The following TONSL variants were observed in gnomAD, a reference collection of about 807,000 sequenced individuals.
The protein encoded by TONSL is tonsoku-like protein.
In TONSL, 112 loss-of-function variants were observed where a neutral mutation model predicts 147.1. The observed-to-expected ratio is 0.76, with a 90% CI of 0.65 to 0.89. The LOEUF is 0.89. TONSL is among the 40% of genes least tolerant of loss of function. The pLI is 0.00. For missense variants in TONSL, 1,883 were observed against 1,864.6 expected (o/e 1.01, Z -0.18); for synonymous variants, 868 against 801.5 (o/e 1.08, Z -1.40).
At position 144,435,902 on chromosome 8, in the gene TONSL, C is replaced by A. The variant is rs200092098; in HGVS notation, c.2531G>T (p.Arg844Leu). Residue 844 changes from arginine to leucine, a missense_variant, in exon 17 of 26, where the codon CGC becomes CTC. By Grantham distance (102) the Arg-to-Leu change is moderately radical. Transcript: ENST00000409379. ...GCCCCGGGGGCGGGGCCGGCGGCTG[C>A]GGGTCAGGGGCATGTCCAGCTCCAG... ...DWLELDMPLT[R>L]SRRPRPRGTG... is the part of the protein sequence containing the mutation. The A allele has an allele frequency of 6.3e-7, 1 of 1,593,888 alleles. No individual in the cohort carries two copies. The highest frequency in any genetic ancestry group is 8.6e-7 in the Non-Finnish European group (1 of 1,167,280).
intron 11 of TONSL, among the ~76,000 whole-genome samples, chr8:144,439,617 T>C (rs1823623442): frequency 6.6e-6 from 1 of 152,212 alleles, no homozygotes; most frequent in Admixed American, 6.5e-5. Flanking sequence ...CAGTCCCTCA[T>C]GCCTGCCCTC....
chr8:144,437,123 C>G, intron 13 of TONSL, 24 bp from the exon 14 acceptor site: 3 of 1,608,872 alleles, frequency 1.9e-6, no homozygotes, highest in Non-Finnish European at 2.5e-6. Context: ...CAGGAAGGAG[C>G]CTGGCCCTGT....
At chr8:144,433,226 A>G (rs1426936699) in intron 22 of TONSL, 5 of 189,512 alleles carry the variant, frequency 2.6e-5, no homozygotes, top group Non-Finnish European at 4.5e-5. Flanking sequence ...GACTACAGGC[A>G]CCGGCCACCA....
intron 7 of TONSL, 102 bp from the exon 8 acceptor site, chr8:144,441,213 C>G: frequency 6.8e-7 from 1 of 1,478,398 alleles, no homozygotes; most frequent in East Asian, 2.4e-5. Context: ...CCACTCTCTC[C>G]ACACCTCTGC....
Position 144,436,832 on chromosome 8 carries a change from G to A in TONSL, c.1815C>T (p.Ala605=). ...GCEGITPLHD[A]LNCGHFEVAE... is the part of the protein sequence containing the mutation. ...CCACCTCGAAGTGGCCACAGTTGAG[G>A]GCATCGTGGAGGGGGGTGATGCCTT... The change falls in exon 15 of 26, where the codon GCC becomes GCT. Residue 605 remains alanine, a synonymous_variant. Coordinates refer to ENST00000409379, the MANE Select transcript of TONSL (RefSeq NM_013432.5). 3.1e-6 allele frequency: 5 copies of A among 1,611,124 alleles called. No individual in the cohort carries two copies. In the South Asian group the frequency reaches 5.5e-5, roughly 18 times the overall value.
intron 11 of TONSL, 118 bp from the exon 12 acceptor site, chr8:144,438,853 G>T: frequency 1.9e-6 from 2 of 1,055,330 alleles, no homozygotes; most frequent in South Asian, 1.4e-5. Flanking sequence ...CGGGAGGGCT[G>T]AGCTCTGAGG....
chr8:144,433,812 C>T (rs1315292546), intron 21 of TONSL, 53 bp from the exon 22 acceptor site: 1 of 1,518,794 alleles, frequency 6.6e-7, no homozygotes, highest in Middle Eastern at 2.2e-4. Flanking sequence ...CGGACAGGGT[C>T]CCCCTTGGGG....
intron 21 of TONSL, 32 bp from the exon 22 acceptor site, chr8:144,433,791 C>T: frequency 6.5e-7 from 1 of 1,534,970 alleles, no homozygotes. Context: ...AGTGAGCCCC[C>T]AGCAGTCCCA....
At chr8:144,441,159 C>A in intron 7 of TONSL, 48 bp from the exon 8 acceptor site, 1 of 1,598,520 alleles carries the variant, frequency 6.3e-7, no homozygotes, top group Non-Finnish European at 8.5e-7. Context: ...GGGCCCTGAC[C>A]CCAGCTCTAC....
At chr8:144,434,306 G>A (rs1823344892) in intron 20 of TONSL, 27 bp from the exon 21 acceptor site, 8 of 1,484,618 alleles carry the variant, frequency 5.4e-6, no homozygotes, top group Non-Finnish European at 4.5e-6. Context: ...ATGTCACCAG[G>A]GTAAGGCCGG....
intron 8 of TONSL, 28 bp from the exon 9 acceptor site, chr8:144,440,898 GC>G: frequency 6.2e-7 from 1 of 1,612,510 alleles, no homozygotes; most frequent in Non-Finnish European, 8.5e-7. Context: ...GAGGCCAGGG[GC>G]TGCCACCCTG....
intron 23 of TONSL, among the ~76,000 whole-genome samples, chr8:144,431,650 C>T (rs1372574575): frequency 6.6e-6 from 1 of 151,474 alleles, no homozygotes; most frequent in Non-Finnish European, 1.5e-5. Context: ...GTAGCTGGGA[C>T]TCCAGGAGCC....
At chr8:144,430,569 G>A (rs782309295) in intron 24 of TONSL, 32 bp from the exon 25 acceptor site, 1 of 1,583,128 alleles carries the variant, frequency 6.3e-7, no homozygotes, top group Non-Finnish European at 8.6e-7. Context: ...TGCAAAGGTT[G>A]GCTTCCAGAG....
At chr8:144,443,802 G>A (rs938605829) in intron 3 of TONSL, 80 bp downstream of exon 3, 1 of 1,513,282 alleles carries the variant, frequency 6.6e-7, no homozygotes, top group African/African-American at 1.4e-5. Flanking sequence ...GGCTCCTGAC[G>A]GCGAAGACCA....
rs561907638 is a variant in TONSL at position 144,432,438 on chromosome 8, C to T, written c.3582G>A (p.Leu1194=). ...AFQDAEHLKT[L]SLSYNALGAP... is the part of the protein sequence containing the mutation. ...CTCCCAGGGCGTTGTAGGACAGGGA[C>T]AGGGTCTTCAGGTGCTCAGCATCTG... The change falls in exon 23 of 26, where the codon CTG becomes CTA. Residue 1194 remains leucine, a synonymous_variant. Coordinates refer to ENST00000409379, the MANE Select transcript of TONSL (RefSeq NM_013432.5). 1.3e-5 allele frequency: 20 copies of T among 1,558,470 alleles called. No homozygotes were observed. Among genetic ancestry groups the T allele is most frequent in the South Asian group, 7.2e-5 (6 of 83,730 alleles).
chr8:144,436,150 C>T lies in TONSL; in HGVS notation c.2283G>A (p.Arg761=), dbSNP rs769683482. 3 of 1,569,478 alleles carry T rather than the reference C, an allele frequency of 1.9e-6. No homozygotes were observed. In the South Asian group the frequency reaches 3.4e-5, roughly 18 times the overall value. Residue 761 remains arginine (R), a synonymous_variant, in exon 17 of 26, where the codon CGG becomes CGA. Transcript: ENST00000409379. ...CCACCCGTTGTGCTGTGGCCGAGCACCGAGGCCTCTTCTGGGACGGCCGTG... is the reference window on the plus strand; with the variant it reads ...CCACCCGTTGTGCTGTGGCCGAGCATCGAGGCCTCTTCTGGGACGGCCGTG... ...GPARPSQKRP[R]CSATAQRVAA... is the part of the protein sequence containing the mutation.
Position 144,436,641 on chromosome 8 carries a change from A to G in TONSL, c.1931T>C (p.Leu644Pro), listed in dbSNP as rs1823473154. 1.9e-6 allele frequency: 3 copies of G among 1,612,286 alleles called. No homozygotes were observed. The highest frequency in any genetic ancestry group is 4.5e-5 in the East Asian group (2 of 44,880). The change falls in exon 16 of 26, where the codon CTG becomes CCG. Residue 644 changes from leucine to proline, a missense_variant. By Grantham distance (98) the Leu-to-Pro change is moderately conservative. Coordinates refer to ENST00000409379, the MANE Select transcript of TONSL (RefSeq NM_013432.5). ...PLETLQQWVK[L>P]YRRDLDLETR... ...CTCCAGGTCCAGGTCCCTGCGGTACAGCTTCACCCACTGCTGCAGCGTCTC... is the reference window on the plus strand; with the variant it reads ...CTCCAGGTCCAGGTCCCTGCGGTACGGCTTCACCCACTGCTGCAGCGTCTC...
chr8:144,444,293 G>T lies in TONSL; in HGVS notation c.26-18C>A. 7.3e-7 allele frequency: 1 copy of T among 1,375,362 alleles called. No individual in the cohort carries two copies. The highest frequency in any genetic ancestry group is 2.4e-4 in the Middle Eastern group (1 of 4,230). 85.2% of individuals were successfully genotyped at this position (1,375,362 alleles called of 1,614,324 possible). A position where few individuals can be genotyped will look rare whatever the true frequency, so the allele number is the denominator to read the frequency against. ...GCTCAGCTCTGTGGGAGGAAGAGGA[G>T]GGCTGGGCCTCCGCGGCGGGGTCCG... On this transcript the variant is annotated intron_variant, in intron 1 of 25. Coordinates refer to ENST00000409379, the MANE Select transcript of TONSL (RefSeq NM_013432.5).
At chr8:144,442,201 T>A (rs751734376) in intron 6 of TONSL, 40 bp downstream of exon 6, 9 of 1,592,798 alleles carry the variant, frequency 5.7e-6, no homozygotes, top group Middle Eastern at 3.3e-4. Context: ...AAGGCCCGAA[T>A]CTACGAGAGC....
Sources: gnomAD v4.1 joint callset for allele counts (sites outside exome capture counted in the v4.1 genomes callset) on GRCh38, gnomAD v4.1.1 for gene constraint, MANE v1.5 for transcripts, NCBI Gene and HGNC (gene_info 2026-07-23, HGNC 2026-07-21) for gene names.